The following HMGCLL1 variants were observed in gnomAD, a reference collection of about 807,000 sequenced individuals.
HMGCLL1 encodes 3-hydroxy-3-methylglutaryl-CoA lyase like 1, also known as 3-hydroxymethyl-3-methylglutaryl-CoA lyase, cytoplasmic.
HMGCLL1 carries 36 observed loss-of-function variants against 39.1 expected under a neutral mutation model. The observed-to-expected ratio is 0.92, with a 90% CI of 0.71 to 1.22. HMGCLL1 has a LOEUF of 1.22. HMGCLL1 is among the 50% of genes most tolerant of loss of function. The pLI is 0.00. For missense variants in HMGCLL1, 451 were observed against 416.5 expected, an observed-to-expected ratio of 1.08 and a Z score of -0.72; for synonymous variants, 149 against 144.0, an observed-to-expected ratio of 1.03 and a Z score of -0.25.
intron 6 of HMGCLL1, among the ~76,000 whole-genome samples, chr6:55,498,187 G>A (rs1310035889): frequency 1.3e-5 from 2 of 152,106 alleles, no homozygotes; most frequent in African/African-American, 4.8e-5. Flanking sequence ...GTAAGCAAAG[G>A]TGGATCCAGG....
intron 7 of HMGCLL1, among the ~76,000 whole-genome samples, chr6:55,466,443 T>C (rs947239287): frequency 4.6e-5 from 7 of 152,138 alleles, no homozygotes; most frequent in African/African-American, 1.2e-4. Flanking sequence ...ATGACCTTTA[T>C]GCTTTGCCTC....
At chr6:55,670,577 A>T in the HMGCLL1 span, among the ~76,000 whole-genome samples, 23,314 of 151,692 alleles carry the variant, frequency 0.15, 1,894 homozygotes, top group South Asian at 0.2. Context: ...GGGGAATGTA[A>T]AGGAATTTAT....
At chr6:55,439,358 T>A in intron 8 of HMGCLL1, 76 bp downstream of exon 8, 1 of 1,428,334 alleles carries the variant, frequency 7.0e-7, no homozygotes, top group Non-Finnish European at 9.5e-7. Flanking sequence ...TCAAAATTGC[T>A]TCCCACATCT....
chr6:55,474,329 C>A (rs558361609), intron 7 of HMGCLL1, among the ~76,000 whole-genome samples: 1 of 151,632 alleles, frequency 6.6e-6, no homozygotes, highest in East Asian at 1.9e-4. Context: ...AATTTTTCCT[C>A]TTTGCATTTC....
At chr6:55,484,493 G>A (rs1322069610) in intron 7 of HMGCLL1, among the ~76,000 whole-genome samples, 1 of 151,778 alleles carries the variant, frequency 6.6e-6, no homozygotes. Flanking sequence ...CTACTCAAAA[G>A]CTCCATCTAG....
At chr6:55,626,102 C>G in the HMGCLL1 span, among the ~76,000 whole-genome samples, 1 of 152,116 alleles carries the variant, frequency 6.6e-6, no homozygotes, top group Admixed American at 6.5e-5. Flanking sequence ...AACACTGAGC[C>G]TTTGATATGA....
chr6:55,558,094 T>C (rs1446141404), intron 1 of HMGCLL1, among the ~76,000 whole-genome samples: 3 of 152,168 alleles, frequency 2.0e-5, no homozygotes, highest in African/African-American at 7.2e-5. Flanking sequence ...GCACATCTTA[T>C]AGGTAGGACA....
chr6:55,664,130 T>C, the HMGCLL1 span, among the ~76,000 whole-genome samples: 114 of 151,800 alleles, frequency 7.5e-4, 1 homozygote, highest in African/African-American at 4.8e-5. Flanking sequence ...ATGCAGCCTG[T>C]CATTCTGTGC....
the HMGCLL1 span, among the ~76,000 whole-genome samples, chr6:55,586,193 A>G: frequency 6.6e-6 from 1 of 152,052 alleles, no homozygotes; most frequent in African/African-American, 2.4e-5. Context: ...AAGTGAGAAG[A>G]TAAGTTTAGA....
At chr6:55,480,294 C>T (rs1765671098) in intron 7 of HMGCLL1, among the ~76,000 whole-genome samples, 1 of 151,340 alleles carries the variant, frequency 6.6e-6, no homozygotes, top group East Asian at 1.9e-4. Context: ...TCTAATAATC[C>T]GACCAAAAAT....
chr6:55,485,246 T>C (rs1462417412), intron 7 of HMGCLL1, among the ~76,000 whole-genome samples: 1 of 152,048 alleles, frequency 6.6e-6, no homozygotes, highest in African/African-American at 2.4e-5. Flanking sequence ...ACTTTCTCTA[T>C]TTTTTTGCAT....
At chr6:55,678,459 T>C in the HMGCLL1 span, among the ~76,000 whole-genome samples, 1 of 152,064 alleles carries the variant, frequency 6.6e-6, no homozygotes, top group Non-Finnish European at 1.5e-5. Flanking sequence ...GGCCAACCTA[T>C]GTGTAATGAC....
chr6:55,625,927 C>T, the HMGCLL1 span, among the ~76,000 whole-genome samples: 1 of 152,150 alleles, frequency 6.6e-6, no homozygotes, highest in East Asian at 1.9e-4. Context: ...ACCACTCAGC[C>T]TCTTTCCCCA....
intron 4 of HMGCLL1, among the ~76,000 whole-genome samples, chr6:55,515,185 G>A (rs965720889): frequency 4.6e-5 from 7 of 151,464 alleles, no homozygotes; most frequent in African/African-American, 1.7e-4. Context: ...CCTGGGAGGC[G>A]GAGGTTGCAG....
chr6:55,539,258 A>G (rs1769206124), intron 3 of HMGCLL1, among the ~76,000 whole-genome samples: 1 of 152,168 alleles, frequency 6.6e-6, no homozygotes. Flanking sequence ...AATGGGAGGA[A>G]GGGAACCATT....
the HMGCLL1 span, among the ~76,000 whole-genome samples, chr6:55,633,554 A>G: frequency 6.6e-6 from 1 of 151,988 alleles, no homozygotes; most frequent in Admixed American, 6.6e-5. Flanking sequence ...AATTTTCTGC[A>G]TAACCATTTT....
chr6:55,661,903 G>A, the HMGCLL1 span, among the ~76,000 whole-genome samples: 4 of 151,834 alleles, frequency 2.6e-5, no homozygotes, highest in Non-Finnish European at 5.9e-5. Context: ...GCAGTGGTTT[G>A]TAGTTCTCCT....
At chr6:55,598,578 T>C in the HMGCLL1 span, among the ~76,000 whole-genome samples, 1 of 152,322 alleles carries the variant, frequency 6.6e-6, no homozygotes, top group East Asian at 1.9e-4. Flanking sequence ...ATAGCAAGCT[T>C]TTCAGAACCT....
intron 4 of HMGCLL1, among the ~76,000 whole-genome samples, chr6:55,515,795 A>G (rs1767707861): frequency 6.6e-6 from 1 of 152,182 alleles, no homozygotes; most frequent in Admixed American, 6.6e-5. Flanking sequence ...AATGGTTCTA[A>G]CAAAATACAT....
Sources: allele counts gnomAD v4.1 joint callset (sites outside exome capture counted in the v4.1 genomes callset), GRCh38; gene constraint gnomAD v4.1.1; transcripts MANE v1.5; gene names NCBI Gene and HGNC (gene_info 2026-07-23, HGNC 2026-07-21).